The following SEC14L1 variants were observed in gnomAD, a reference collection of about 807,000 sequenced individuals.
The protein encoded by SEC14L1 is SEC14 like lipid binding 1.
A neutral mutation model predicts 85.3 loss-of-function variants in SEC14L1; 48 were observed. The observed-to-expected ratio is 0.56, with a 90% CI of 0.45 to 0.72. The LOEUF (loss-of-function observed/expected upper bound fraction) is 0.72. SEC14L1 is among the 30% of genes least tolerant of loss of function. The pLI is 0.00. For synonymous variants in SEC14L1, 391 were observed against 355.5 expected (o/e 1.10, Z -1.12); for missense variants, 682 against 921.4 (o/e 0.74, Z 3.36).
chr17:77,179,995 TTTTTA>T (rs1974941905), intron 3 of SEC14L1, among the ~76,000 whole-genome samples: 1 of 151,608 alleles, frequency 6.6e-6, no homozygotes, highest in African/African-American at 2.4e-5. Flanking sequence ...TGTTTTTAGG[TTTTTA>T]TTTTGTTTTG....
chr17:77,200,269 A>G (rs1236233067), intron 8 of SEC14L1, among the ~76,000 whole-genome samples: 1 of 152,092 alleles, frequency 6.6e-6, no homozygotes, highest in Non-Finnish European at 1.5e-5. Flanking sequence ...TCCCAGGTTC[A>G]AGTGATCCGC....
chr17:77,172,527 GT>G (rs1974561270), intron 3 of SEC14L1, among the ~76,000 whole-genome samples: 1 of 152,058 alleles, frequency 6.6e-6, no homozygotes, highest in African/African-American at 2.4e-5. Context: ...CTTGCTTTTT[GT>G]TTTTGCTTTT....
intron 3 of SEC14L1, among the ~76,000 whole-genome samples, chr17:77,171,749 C>T (rs575818997): frequency 9.8e-5 from 15 of 152,288 alleles, no homozygotes; most frequent in East Asian, 3.9e-4. Context: ...GGTGCAGACC[C>T]GTTATTAGGT....
At chr17:77,112,787 T>G (rs1955193967) in intron 3 of SEC14L1, among the ~76,000 whole-genome samples, 2 of 151,470 alleles carry the variant, frequency 1.3e-5, no homozygotes, top group Admixed American at 1.3e-4. Flanking sequence ...GGCAGGAGAA[T>G]GGTGTGAACC....
chr17:77,163,940 GGGCTCCTGGGT>G (rs1974176962), intron 3 of SEC14L1, among the ~76,000 whole-genome samples: 1 of 152,226 alleles, frequency 6.6e-6, no homozygotes. Context: ...AGAGGAGCCT[GGGCTCCTGGGT>G]GGCAGCCAGG....
chr17:77,117,668 A>G (rs1972206046), intron 3 of SEC14L1, among the ~76,000 whole-genome samples: 1 of 152,208 alleles, frequency 6.6e-6, no homozygotes, highest in Non-Finnish European at 1.5e-5. Flanking sequence ...CTCCTGCAGG[A>G]AGAAATATTT....
intron 3 of SEC14L1, among the ~76,000 whole-genome samples, chr17:77,190,304 TA>T (rs1387121531): frequency 1.3e-5 from 2 of 152,306 alleles, no homozygotes; most frequent in East Asian, 3.9e-4. Context: ...TACTAAAAAA[TA>T]AATCAGTTGG....
chr17:77,110,068 T>A (rs1283336518), intron 3 of SEC14L1, among the ~76,000 whole-genome samples: 3 of 152,200 alleles, frequency 2.0e-5, no homozygotes. Context: ...ACTTTTGTCA[T>A]GTTACCCAGA....
At chr17:77,203,452 G>C (rs781164579) in intron 9 of SEC14L1, 118 bp from the exon 10 acceptor site, 3 of 802,330 alleles carry the variant, frequency 3.7e-6, no homozygotes, top group Non-Finnish European at 6.0e-6. Context: ...GAATCAGAAA[G>C]ACTTTTAAGC....
intron 3 of SEC14L1, among the ~76,000 whole-genome samples, chr17:77,127,232 C>T (rs373098504): frequency 6.6e-6 from 1 of 151,954 alleles, no homozygotes; most frequent in Non-Finnish European, 1.5e-5. Context: ...TGAGAACATG[C>T]GGTGTATGGT....
intron 3 of SEC14L1, among the ~76,000 whole-genome samples, chr17:77,123,367 C>T (rs1397825158): frequency 2.0e-5 from 3 of 150,436 alleles, no homozygotes; most frequent in Non-Finnish European, 3.0e-5. Context: ...CTTTTTAAGA[C>T]TGTGGGAACC....
In SEC14L1 at chr17:77,203,598, G is replaced by A. The variant is rs1220188613; in HGVS notation, c.1038G>A (p.Leu346=). 2.5e-6 allele frequency: 4 copies of A among 1,613,824 alleles called. No homozygotes were observed. In the South Asian group the frequency reaches 3.3e-5, roughly 13 times the overall value. The change falls in exon 10 of 17, where the codon CTG becomes CTA. Residue 346 remains leucine, a synonymous_variant. Coordinates refer to ENST00000436233, the MANE Select transcript of SEC14L1 (RefSeq NM_001143998.2). ...KDGRPLYVLR[L]GQMDTKGLVR... ...GGCGGCCCCTCTACGTGCTCAGGCT[G>A]GGGCAGATGGACACCAAAGGCTTGG...
At chr17:77,191,101 G>A (rs1365672822) in intron 4 of SEC14L1, 80 bp from the exon 5 acceptor site, 2 of 1,535,906 alleles carry the variant, frequency 1.3e-6, no homozygotes, top group South Asian at 1.1e-5. Flanking sequence ...AGCCCCCAGA[G>A]ACAACATGAA....
At chr17:77,187,079 C>A (rs939669991) in intron 3 of SEC14L1, among the ~76,000 whole-genome samples, 7 of 152,138 alleles carry the variant, frequency 4.6e-5, no homozygotes, top group Non-Finnish European at 1.0e-4. Context: ...AAAGGAAATG[C>A]TCATTGGAGC....
intron 3 of SEC14L1, among the ~76,000 whole-genome samples, chr17:77,183,087 T>G (rs1438582235): frequency 6.6e-6 from 1 of 152,248 alleles, no homozygotes; most frequent in African/African-American, 2.4e-5. Context: ...TTTAATGAGT[T>G]ATTGCAAAAG....
chr17:77,187,304 A>G (rs528207692), intron 3 of SEC14L1, among the ~76,000 whole-genome samples: 26 of 152,160 alleles, frequency 1.7e-4, no homozygotes, highest in African/African-American at 5.5e-4. Flanking sequence ...GGGGCCGACC[A>G]CAGGGGCAGG....
At chr17:77,208,708 T>C (rs1189341070) in intron 13 of SEC14L1, among the ~76,000 whole-genome samples, 1 of 152,218 alleles carries the variant, frequency 6.6e-6, no homozygotes, top group Non-Finnish European at 1.5e-5. Flanking sequence ...CTGAAATGTT[T>C]ATTTTCTATG....
chr17:77,157,274 T>C (rs1351603755), intron 3 of SEC14L1, among the ~76,000 whole-genome samples: 1 of 152,230 alleles, frequency 6.6e-6, no homozygotes, highest in Non-Finnish European at 1.5e-5. Context: ...TTTAGAAAGC[T>C]CTTCTCCAAA....
exon 2 of SEC14L1, chr17:77,089,158 A>C (rs911800851): frequency 2.9e-6 from 1 of 347,376 alleles, no homozygotes; most frequent in African/African-American, 2.2e-5. Flanking sequence ...CCAAGGTTTC[A>C]ACAGAAAATG....
Sources: gnomAD v4.1 joint callset for allele counts (sites outside exome capture counted in the v4.1 genomes callset) on GRCh38, gnomAD v4.1.1 for gene constraint, MANE v1.5 for transcripts, NCBI Gene and HGNC (gene_info 2026-07-23, HGNC 2026-07-21) for gene names.